Variants in AFG2A observed in about 807,000 individuals in gnomAD.
AFG2A encodes the protein AAA ATPase AFG2A.
the AFG2A span, among the ~76,000 whole-genome samples, chr4:123,268,903 G>T: frequency 2.6e-5 from 4 of 152,104 alleles, no homozygotes; most frequent in Non-Finnish European, 5.9e-5. Context: ...CTATAAATCT[G>T]GCAAGGAAAT....
At chr4:123,011,818 G>C in the AFG2A span, among the ~76,000 whole-genome samples, 17 of 152,166 alleles carry the variant, frequency 1.1e-4, 1 homozygote, top group Admixed American at 1.1e-3. Context: ...AGAGAAAAGA[G>C]AGGGTAGAGA....
At chr4:123,312,673 A>C in the AFG2A span, among the ~76,000 whole-genome samples, 2 of 152,220 alleles carry the variant, frequency 1.3e-5, no homozygotes, top group Non-Finnish European at 1.5e-5. Context: ...TCCTTCAACA[A>C]GATGATAGCC....
chr4:122,975,606 A>G, the AFG2A span, among the ~76,000 whole-genome samples: 1 of 152,094 alleles, frequency 6.6e-6, no homozygotes, highest in South Asian at 2.1e-4. Flanking sequence ...ACGGAGTGAT[A>G]CAGAGGGCTA....
At chr4:123,194,474 A>AT in the AFG2A span, among the ~76,000 whole-genome samples, 1 of 152,104 alleles carries the variant, frequency 6.6e-6, no homozygotes, top group East Asian at 1.9e-4. Context: ...AAGCCTCCAT[A>AT]TTTTTTATAG....
the AFG2A span, among the ~76,000 whole-genome samples, chr4:122,939,277 G>T: frequency 6.6e-6 from 1 of 151,618 alleles, no homozygotes; most frequent in Admixed American, 6.6e-5. Context: ...TAGAGACGGG[G>T]TTTCTCCATG....
chr4:123,077,912 C>T, the AFG2A span, among the ~76,000 whole-genome samples: 2 of 152,210 alleles, frequency 1.3e-5, no homozygotes, highest in Non-Finnish European at 2.9e-5. Context: ...CAGTTAGTGC[C>T]TTGCTCATAA....
At chr4:123,009,590 T>C in the AFG2A span, among the ~76,000 whole-genome samples, 40 of 152,344 alleles carry the variant, frequency 2.6e-4, no homozygotes, top group East Asian at 2.9e-3. Flanking sequence ...TCACATTACA[T>C]GTGGTCATCA....
At chr4:123,156,334 GT>G in the AFG2A span, among the ~76,000 whole-genome samples, 4,389 of 152,204 alleles carry the variant, frequency 0.029, 85 homozygotes, top group Non-Finnish European at 0.036. Context: ...AAAAGATGGG[GT>G]CTAGGCTTCA....
chr4:123,174,701 G>GC, the AFG2A span, among the ~76,000 whole-genome samples: 1 of 151,792 alleles, frequency 6.6e-6, no homozygotes, highest in South Asian at 2.1e-4. Context: ...ATAAAGTTGG[G>GC]CCCCTACTTC....
chr4:123,040,121 G>A, the AFG2A span, among the ~76,000 whole-genome samples: 4 of 151,282 alleles, frequency 2.6e-5, no homozygotes, highest in South Asian at 2.1e-4. Flanking sequence ...TAGGGTATAC[G>A]TATCTAGAAG....
the AFG2A span, among the ~76,000 whole-genome samples, chr4:123,021,260 T>TC: frequency 6.7e-6 from 1 of 149,960 alleles, no homozygotes; most frequent in African/African-American, 2.4e-5. Context: ...TCTTTGAGCT[T>TC]TTTTTTTTTC....
the AFG2A span, among the ~76,000 whole-genome samples, chr4:123,065,113 C>A: frequency 1.5e-3 from 227 of 152,284 alleles, no homozygotes; most frequent in African/African-American, 5.3e-3. Flanking sequence ...GCCCAGGATT[C>A]CAGGTGTAGG....
chr4:123,196,569 A>T, the AFG2A span, among the ~76,000 whole-genome samples: 80,204 of 151,890 alleles, frequency 0.53, 24,408 homozygotes, highest in Non-Finnish European at 0.67. Context: ...ACTTCTGAAT[A>T]TTAAGGAATT....
the AFG2A span, among the ~76,000 whole-genome samples, chr4:122,974,718 G>A: frequency 4.6e-5 from 7 of 152,034 alleles, no homozygotes; most frequent in African/African-American, 1.4e-4. Flanking sequence ...TCGGCTCACC[G>A]CAGCCTCTGC....
the AFG2A span, among the ~76,000 whole-genome samples, chr4:123,098,235 A>G: frequency 6.6e-6 from 1 of 152,034 alleles, no homozygotes; most frequent in Non-Finnish European, 1.5e-5. Flanking sequence ...TTTAAAAAAG[A>G]TTATTTTAAT....
chr4:123,230,709 C>A, the AFG2A span, among the ~76,000 whole-genome samples: 1 of 151,932 alleles, frequency 6.6e-6, no homozygotes, highest in Non-Finnish European at 1.5e-5. Context: ...AGAGGAATCA[C>A]TATCTATGAC....
the AFG2A span, chr4:122,927,717 G>T: frequency 1.2e-6 from 2 of 1,613,166 alleles, no homozygotes; most frequent in East Asian, 2.2e-5. Flanking sequence ...TATATGTATA[G>T]GTCGACCAGT....
the AFG2A span, among the ~76,000 whole-genome samples, chr4:123,166,122 T>C: frequency 3.3e-5 from 5 of 152,220 alleles, no homozygotes; most frequent in African/African-American, 4.8e-5. Context: ...CTTGATGGCA[T>C]TGAATGATGC....
the AFG2A span, among the ~76,000 whole-genome samples, chr4:122,923,863 A>G: frequency 6.6e-6 from 1 of 152,198 alleles, no homozygotes; most frequent in African/African-American, 2.4e-5. Flanking sequence ...GAGGAAAGTT[A>G]ACGTGATTCC....
Sources: allele counts gnomAD v4.1 joint callset (sites outside exome capture counted in the v4.1 genomes callset), GRCh38; gene constraint gnomAD v4.1.1; transcripts MANE v1.5; gene names NCBI Gene and HGNC (gene_info 2026-07-23, HGNC 2026-07-21).